The following PIK3C2G variants were observed in gnomAD, a reference collection of about 807,000 sequenced individuals.
PIK3C2G encodes phosphatidylinositol-4-phosphate 3-kinase catalytic subunit type 2 gamma.
PIK3C2G carries 168 observed loss-of-function variants against 181.1 expected under a neutral mutation model. That is an observed-to-expected ratio of 0.93 (90% CI 0.82 to 1.05). The LOEUF (loss-of-function observed/expected upper bound fraction) is 1.05, where lower values mean the gene tolerates loss of function less well. PIK3C2G is among the 50% of genes least tolerant of loss of function. The probability of loss-of-function intolerance (pLI) is 0.00; values close to 1 mark genes in which losing one functional copy is unlikely to be tolerated. For missense variants in PIK3C2G, 1,869 were observed against 1,732.8 expected (o/e 1.08, Z -1.40); for synonymous variants, 573 against 592.2 (o/e 0.97, Z 0.47).
the PIK3C2G span, among the ~76,000 whole-genome samples, chr12:18,661,145 GC>G: frequency 6.6e-6 from 1 of 152,042 alleles, no homozygotes. Context: ...AGTGAACAGA[GC>G]CTAACCAACC....
the PIK3C2G span, among the ~76,000 whole-genome samples, chr12:18,716,048 C>T: frequency 1.3e-5 from 2 of 151,964 alleles, no homozygotes; most frequent in East Asian, 1.9e-4. Flanking sequence ...TCTTGGCTTA[C>T]GGATTTATTT....
chr12:18,660,274 G>A, the PIK3C2G span, among the ~76,000 whole-genome samples: 1 of 152,112 alleles, frequency 6.6e-6, no homozygotes, highest in African/African-American at 2.4e-5. Flanking sequence ...ACCAGCAGGA[G>A]CCATAAGGAT....
chr12:18,267,832 G>T (rs1446862847), intron 1 of PIK3C2G, among the ~76,000 whole-genome samples: 1 of 152,218 alleles, frequency 6.6e-6, no homozygotes, highest in African/African-American at 2.4e-5. Flanking sequence ...ACTTTCTCAT[G>T]GTATTCTTTG....
intron 29 of PIK3C2G, among the ~76,000 whole-genome samples, chr12:18,592,435 G>A (rs1028547683): frequency 6.6e-6 from 1 of 151,898 alleles, no homozygotes; most frequent in South Asian, 2.1e-4. Flanking sequence ...CATGACAAAG[G>A]AAATTCCCAT....
intron 2 of PIK3C2G, 110 bp downstream of exon 2, chr12:18,282,869 T>A: frequency 1.3e-6 from 1 of 758,820 alleles, no homozygotes; most frequent in South Asian, 2.9e-5. Context: ...GGAAATCTAT[T>A]CATCTTACTT....
At chr12:18,715,323 C>G in the PIK3C2G span, among the ~76,000 whole-genome samples, 8 of 151,802 alleles carry the variant, frequency 5.3e-5, no homozygotes, top group African/African-American at 1.9e-4. Context: ...TCTCATTTAA[C>G]TTGGAGGCTT....
chr12:18,622,606 G>C (rs949343555), intron 31 of PIK3C2G, among the ~76,000 whole-genome samples: 13 of 151,886 alleles, frequency 8.6e-5, no homozygotes, highest in Middle Eastern at 3.4e-3. Flanking sequence ...TGGCAATCTT[G>C]TTTTTAGTTT....
intron 11 of PIK3C2G, among the ~76,000 whole-genome samples, chr12:18,351,854 C>A (rs549337237): frequency 6.6e-6 from 1 of 152,226 alleles, no homozygotes; most frequent in South Asian, 2.1e-4. Flanking sequence ...GCATTATTGA[C>A]AACCACCTAC....
the PIK3C2G span, among the ~76,000 whole-genome samples, chr12:18,700,514 A>AAAAAAAG: frequency 8.0e-6 from 1 of 125,660 alleles, no homozygotes; most frequent in Admixed American, 7.9e-5. Context: ...CCAACGTACA[A>AAAAAAAG]AAAAAAAAAA....
intron 31 of PIK3C2G, among the ~76,000 whole-genome samples, chr12:18,618,539 C>A (rs1948706084): frequency 6.6e-6 from 1 of 152,124 alleles, no homozygotes; most frequent in South Asian, 2.1e-4. Flanking sequence ...GTTTCCACAA[C>A]ATAACATTAA....
intron 30 of PIK3C2G, among the ~76,000 whole-genome samples, chr12:18,597,992 TAAAAG>T (rs991640114): frequency 1.3e-5 from 2 of 151,494 alleles, no homozygotes; most frequent in African/African-American, 2.4e-5. Flanking sequence ...CTCAAGGAAA[TAAAAG>T]AGGATACAAA....
chr12:18,709,546 T>C, the PIK3C2G span, among the ~76,000 whole-genome samples: 2 of 151,712 alleles, frequency 1.3e-5, no homozygotes, highest in Non-Finnish European at 2.9e-5. Flanking sequence ...TTTTTATTTC[T>C]ATGAATAATG....
intron 21 of PIK3C2G, among the ~76,000 whole-genome samples, chr12:18,496,748 T>C (rs1205268299): frequency 6.6e-6 from 1 of 152,128 alleles, no homozygotes; most frequent in Non-Finnish European, 1.5e-5. Flanking sequence ...GGCCAATTAT[T>C]CAGCCAAGCC....
intron 13 of PIK3C2G, among the ~76,000 whole-genome samples, chr12:18,372,016 T>A (rs1175765115): frequency 1.3e-5 from 2 of 152,180 alleles, no homozygotes; most frequent in Non-Finnish European, 2.9e-5. Context: ...AATGTTAATA[T>A]TTTTATAAAG....
At chr12:18,518,649 C>T (rs1416866217) in intron 24 of PIK3C2G, among the ~76,000 whole-genome samples, 1 of 151,734 alleles carries the variant, frequency 6.6e-6, no homozygotes, top group East Asian at 1.9e-4. Context: ...TTCTAGATAG[C>T]TATCTATTTT....
In PIK3C2G at chr12:18,250,308, A is replaced by G. The variant is rs984726371; in HGVS notation, c.-79+2226A>G. Among the ~76,000 whole-genome samples the G allele has an allele frequency of 3.3e-5, 5 of 152,220 alleles. No individual in the cohort carries two copies. The East Asian group carries it at 5.8e-4, about 18-fold the overall frequency. On this transcript the variant is annotated intron_variant, in intron 1 of 11. Coordinates refer to the PIK3C2G transcript ENST00000535651. ...ATTGACAGAATTTTATTCCCAGTAT[A>G]GCGGTCGAAAAACATTTTGTTATTA...
intron 18 of PIK3C2G, among the ~76,000 whole-genome samples, chr12:18,455,408 C>A (rs900325615): frequency 6.6e-6 from 1 of 152,044 alleles, no homozygotes; most frequent in Non-Finnish European, 1.5e-5. Flanking sequence ...AAATAACATA[C>A]ATAGGATTAT....
chr12:18,373,346 G>T (rs371808049), intron 13 of PIK3C2G, among the ~76,000 whole-genome samples: 1 of 151,988 alleles, frequency 6.6e-6, no homozygotes, highest in Non-Finnish European at 1.5e-5. Flanking sequence ...TATAATGAGC[G>T]CTTATGTCAT....
intron 14 of PIK3C2G, among the ~76,000 whole-genome samples, chr12:18,382,309 G>A (rs1942894310): frequency 6.6e-6 from 1 of 152,032 alleles, no homozygotes; most frequent in Non-Finnish European, 1.5e-5. Flanking sequence ...TAACTGAGTA[G>A]TAGAAAAAAA....
Sources: gnomAD v4.1 joint callset for allele counts (sites outside exome capture counted in the v4.1 genomes callset) on GRCh38, gnomAD v4.1.1 for gene constraint, MANE v1.5 for transcripts, NCBI Gene and HGNC (gene_info 2026-07-23, HGNC 2026-07-21) for gene names.